Variants in NIPAL2 observed in about 807,000 individuals in gnomAD.
NIPAL2 encodes NIPA-like protein 2.
NIPAL2 carries 43 observed loss-of-function variants against 48.9 expected under a neutral mutation model. That is an observed-to-expected ratio of 0.88 (90% CI 0.69 to 1.13). The LOEUF (loss-of-function observed/expected upper bound fraction) is 1.13, where lower values mean the gene tolerates loss of function less well. NIPAL2 is among the 50% of genes most tolerant of loss of function. The probability of loss-of-function intolerance (pLI) is 0.00; values close to 1 mark genes in which losing one functional copy is unlikely to be tolerated. For missense variants in NIPAL2, 446 were observed against 461.4 expected, an observed-to-expected ratio of 0.97 and a Z score of 0.31; for synonymous variants, 167 against 174.6, an observed-to-expected ratio of 0.96 and a Z score of 0.34.
intron 4 of NIPAL2, among the ~76,000 whole-genome samples, chr8:98,231,114 G>C (rs891762270): frequency 2.6e-5 from 4 of 152,078 alleles, no homozygotes; most frequent in African/African-American, 9.7e-5. Flanking sequence ...AGAATAAATT[G>C]GACTCCTTAA....
intron 1 of NIPAL2, among the ~76,000 whole-genome samples, chr8:98,267,727 T>A (rs560504864): frequency 6.6e-6 from 1 of 152,328 alleles, no homozygotes; most frequent in East Asian, 1.9e-4. Context: ...ATATTTCCTT[T>A]CTTACCATTT....
At chr8:98,243,623 A>T (rs1813114517) in intron 3 of NIPAL2, among the ~76,000 whole-genome samples, 1 of 152,204 alleles carries the variant, frequency 6.6e-6, no homozygotes, top group Non-Finnish European at 1.5e-5. Flanking sequence ...AAGAGAGAAA[A>T]AGCCAACCAT....
chr8:98,226,061 T>A (rs1812157281), intron 4 of NIPAL2, among the ~76,000 whole-genome samples: 1 of 152,122 alleles, frequency 6.6e-6, no homozygotes, highest in African/African-American at 2.4e-5. Context: ...TGCTTGATTC[T>A]TTTGAATTAT....
intron 6 of NIPAL2, among the ~76,000 whole-genome samples, chr8:98,209,411 C>T (rs1326969487): frequency 7.5e-6 from 1 of 132,724 alleles, no homozygotes; most frequent in Admixed American, 9.2e-5. Flanking sequence ...GAGTTTGCAA[C>T]CAGCCCGGGC....
chr8:98,249,796 A>G (rs1343218322), intron 3 of NIPAL2, among the ~76,000 whole-genome samples: 1 of 148,226 alleles, frequency 6.7e-6, no homozygotes, highest in African/African-American at 2.5e-5. Context: ...TATATAATAT[A>G]TAATCGAATA....
Position 98,232,556 on chromosome 8 carries a change from T to C in NIPAL2, c.436+3599A>G, listed in dbSNP as rs76476749. On this transcript the variant is annotated intron_variant, in intron 4 of 10. Transcript: ENST00000430223. The stretch of plus-strand genomic sequence containing the variant: ...CCCTGTTGTTAGAGTTTTACATATA[T>C]GAACTCATTTAATCCTGTGAGGTAT... 5.5e-3 allele frequency among the ~76,000 whole-genome samples: 840 copies of C among 152,326 alleles called. 6 individuals carry two copies. Among genetic ancestry groups the C allele is most frequent in the African/African-American group, 0.018 (769 of 41,570 alleles).
intron 5 of NIPAL2, 94 bp from the exon 6 acceptor site, chr8:98,212,595 T>A: frequency 1.5e-6 from 1 of 672,026 alleles, no homozygotes. Flanking sequence ...AATTCTCATA[T>A]GAGCGTTGAG....
chr8:98,257,342 T>C (rs966769391), intron 1 of NIPAL2, among the ~76,000 whole-genome samples: 5 of 67,676 alleles, frequency 7.4e-5, no homozygotes, highest in African/African-American at 1.2e-4. Flanking sequence ...TTTTTTTCTT[T>C]CTTTCTTTTT....
At chr8:98,221,833 G>A (rs866817122) in intron 5 of NIPAL2, among the ~76,000 whole-genome samples, 4 of 152,336 alleles carry the variant, frequency 2.6e-5, no homozygotes, top group African/African-American at 7.2e-5. Flanking sequence ...AACACTGTTG[G>A]TGGGACTGTA....
At position 98,222,428 on chromosome 8, in the gene NIPAL2, G is replaced by A. The variant is rs370241634; in HGVS notation, c.558+51C>T. The A allele has an allele frequency of 5.7e-4, 906 of 1,576,320 alleles. 2 individuals carry two copies. Among genetic ancestry groups the A allele is most frequent in the Admixed American group, 1.7e-3 (92 of 55,164 alleles). On this transcript the variant is annotated intron_variant, in intron 5 of 10. Transcript: ENST00000430223. ...TGTTCTCTAATATCTGCATGGACCA[G>A]TGGTCTGGATAATATAGCTTCGGGG...
chr8:98,216,838 G>A (rs1213895463), intron 5 of NIPAL2, among the ~76,000 whole-genome samples: 1 of 152,168 alleles, frequency 6.6e-6, no homozygotes, highest in Non-Finnish European at 1.5e-5. Flanking sequence ...TTCTAACATG[G>A]TTTTTGCAGA....
intron 5 of NIPAL2, among the ~76,000 whole-genome samples, chr8:98,221,348 T>G (rs1811867604): frequency 6.8e-6 from 1 of 147,648 alleles, no homozygotes; most frequent in African/African-American, 2.4e-5. Context: ...TCTGTGGCAT[T>G]GATCTCAACA....
chr8:98,244,664 G>A (rs889605387), intron 3 of NIPAL2, among the ~76,000 whole-genome samples: 3 of 152,108 alleles, frequency 2.0e-5, no homozygotes, highest in East Asian at 1.9e-4. Context: ...CTGTGGGGCC[G>A]TGGTGAACTA....
chr8:98,267,278 C>T (rs1036200961), intron 1 of NIPAL2, among the ~76,000 whole-genome samples: 1 of 150,600 alleles, frequency 6.6e-6, no homozygotes, highest in African/African-American at 2.4e-5. Context: ...TCTCAGAAAA[C>T]GACTTGACTT....
At chr8:98,255,529 A>C (rs1813840182) in intron 1 of NIPAL2, among the ~76,000 whole-genome samples, 1 of 152,230 alleles carries the variant, frequency 6.6e-6, no homozygotes, top group South Asian at 2.1e-4. Context: ...ATAGCATGAA[A>C]TTTAGTATTT....
At chr8:98,232,136 TC>T (rs1412387686) in intron 4 of NIPAL2, among the ~76,000 whole-genome samples, 1 of 152,162 alleles carries the variant, frequency 6.6e-6, no homozygotes, top group African/African-American at 2.4e-5. Context: ...TCCTTGGACT[TC>T]CGTAAATATG....
At chr8:98,267,086 T>C (rs73283793) in intron 1 of NIPAL2, among the ~76,000 whole-genome samples, 1,989 of 152,302 alleles carry the variant, frequency 0.013, 41 homozygotes, top group African/African-American at 0.045. Context: ...CTTTATGATA[T>C]GTTATTGCAA....
intron 4 of NIPAL2, among the ~76,000 whole-genome samples, chr8:98,226,776 A>G (rs564640791): frequency 1.3e-5 from 2 of 152,096 alleles, no homozygotes; most frequent in Admixed American, 1.3e-4. Context: ...GCTACTGCCT[A>G]TGTTCGCTCA....
chr8:98,204,454 A>G (rs1810936675), intron 7 of NIPAL2, among the ~76,000 whole-genome samples: 1 of 152,154 alleles, frequency 6.6e-6, no homozygotes, highest in Non-Finnish European at 1.5e-5. Flanking sequence ...TCAACTCAAG[A>G]AAGCCCAGCA....
Sources: gnomAD v4.1 joint callset for allele counts (sites outside exome capture counted in the v4.1 genomes callset) on GRCh38, gnomAD v4.1.1 for gene constraint, MANE v1.5 for transcripts, NCBI Gene and HGNC (gene_info 2026-07-23, HGNC 2026-07-21) for gene names.